The following HNRNPU variants were observed in gnomAD, a reference collection of about 807,000 sequenced individuals.
The protein encoded by HNRNPU is heterogeneous nuclear ribonucleoprotein U.
In HNRNPU, 5 loss-of-function variants were observed where a neutral mutation model predicts 94.7. The observed-to-expected ratio is 0.05, with a 90% CI of 0.03 to 0.11. The LOEUF (loss-of-function observed/expected upper bound fraction) is 0.11, where lower values mean the gene tolerates loss of function less well. HNRNPU is among the 10% of genes least tolerant of loss of function. The probability of loss-of-function intolerance (pLI) is 1.00; values close to 1 mark genes in which losing one functional copy is unlikely to be tolerated. For missense variants in HNRNPU, 710 were observed against 1,049.2 expected, an observed-to-expected ratio of 0.68 and a Z score of 4.47; for synonymous variants, 434 against 381.6, an observed-to-expected ratio of 1.14 and a Z score of -1.60.
intron 8 of HNRNPU, chr1:244,857,312 C>A: frequency 3.4e-6 from 1 of 295,968 alleles, no homozygotes; most frequent in Non-Finnish European, 6.2e-6. Context: ...ATGGCACGAT[C>A]TCAACTCACT....
rs1680643206 is a variant in HNRNPU at position 244,855,091 on chromosome 1, T to C, written c.2353-47A>G. 3 of 1,488,664 alleles carry C rather than the reference T, an allele frequency of 2.0e-6. No individual in the cohort carries two copies. The East Asian group carries it at 6.8e-5, about 34-fold the overall frequency. 92.2% of individuals were successfully genotyped at this position (1,488,664 alleles called of 1,614,324 possible). A position where few individuals can be genotyped will look rare whatever the true frequency, so the allele number is the denominator to read the frequency against. On this transcript the variant is annotated intron_variant, in intron 12 of 13. Transcript: ENST00000640218. ...TAAGAGCTCTGAGCCCAATTGCTTG[T>C]TAGGTTTGTGGGGGTGAGAGAGAGG...
At position 244,851,868 on chromosome 1, in the gene HNRNPU, A is replaced by C. The variant is rs1393504378; in HGVS notation, c.*2582T>G. The C allele has an allele frequency of 6.6e-6, 1 of 152,182 alleles. No individual in the cohort carries two copies. Among genetic ancestry groups the C allele is most frequent in the Non-Finnish European group, 1.5e-5 (1 of 68,026 alleles). The allele number at this position is 152,182 out of a possible 1,614,324, so 9.4% of individuals were successfully genotyped here. A position where few individuals can be genotyped will look rare whatever the true frequency, so the allele number is the denominator to read the frequency against. ...GTTTTAGTTTTCTCATAGCTATCTC[A>C]TAGCAGTTTTAGTTTTCTCAAATTC... On this transcript the variant is annotated 3_prime_UTR_variant, in exon 14 of 14. Coordinates refer to ENST00000640218, the MANE Select transcript of HNRNPU (RefSeq NM_031844.3).
At position 244,862,669 on chromosome 1, in the gene HNRNPU, T is replaced by C; in HGVS notation, c.753A>G (p.Glu251=). The change falls in exon 2 of 14, where the codon GAA becomes GAG. Residue 251 remains glutamate, a synonymous_variant. Coordinates refer to ENST00000640218, the MANE Select transcript of HNRNPU (RefSeq NM_031844.3). ...ACTCAAAATATCCACGGCCATGATC[T>C]TCTCGTGGTCTTTTAACACCCCTCT... ...DKKRGVKRPR[E]DHGRGYFEYI... is the part of the protein sequence containing the mutation. The C allele has an allele frequency of 6.2e-7, 1 of 1,614,194 alleles. No homozygotes were observed. Among genetic ancestry groups the C allele is most frequent in the Non-Finnish European group, 8.5e-7 (1 of 1,180,034 alleles).
rs567906999 is a variant in HNRNPU at position 244,864,499 on chromosome 1, G to T, written c.-192C>A. 700 of 908,654 alleles carry T rather than the reference G, an allele frequency of 7.7e-4. 16 individuals are homozygous for T. The South Asian group carries it at 0.012, about 16-fold the overall frequency. 56.3% of individuals were successfully genotyped at this position (908,654 alleles called of 1,614,324 possible). ...AATTCCTTTCACCGAGTTCGCGAGG[G>T]AGACGCGGAGACTCGCCTGGCGCGA... On this transcript the variant is annotated 5_prime_UTR_variant, in exon 1 of 14. Transcript: ENST00000640218.
Position 244,863,420 on chromosome 1 carries a change from A to ACACG in HNRNPU, c.691+196_691+197insCGTG, listed in dbSNP as rs555181156. Among the ~76,000 whole-genome samples, 6,471 of 138,682 alleles carry ACACG rather than the reference A, an allele frequency of 0.047. 193 individuals are homozygous for ACACG. The highest frequency in any genetic ancestry group is 0.067 in the Non-Finnish European group (4,325 of 64,494). The allele number at this position is 138,682 out of a possible 152,430, so 91.0% of individuals were successfully genotyped here. ...GACACACACACACACACACACACAC[A>ACACG]CGCGCGCGCGCACACACACGCCCCG... On this transcript the variant is annotated intron_variant, in intron 1 of 13. Transcript: ENST00000640218.
chr1:244,862,423 A>AAC, intron 3 of HNRNPU, 38 bp downstream of exon 3: 2 of 1,330,434 alleles, frequency 1.5e-6, no homozygotes, highest in Non-Finnish European at 2.1e-6. Flanking sequence ...AACCACCATC[A>AAC]CCGCATTTCA....
intron 8 of HNRNPU, chr1:244,857,105 G>A (rs564214325): frequency 2.8e-6 from 1 of 352,506 alleles, no homozygotes; most frequent in East Asian, 5.1e-5. Flanking sequence ...AGCCTAGCCA[G>A]TGGAAGGCAG....
rs1332243644 is a variant in HNRNPU at position 244,863,678 on chromosome 1, C to A, written c.630G>T (p.Ala210=). 1 of 1,563,288 alleles carries A rather than the reference C, an allele frequency of 6.4e-7. No homozygotes were observed. The highest frequency in any genetic ancestry group is 1.1e-5 in the South Asian group (1 of 87,746). ...CGCCTTCCGCCTTCTTCTTACCTCC[C>A]GCCTGCTGCTGGCCCTGCCTCGCCC... ...PPGARQGQQQ[A]GGKKKAEGGG... The change falls in exon 1 of 14, where the codon GCG becomes GCT. Residue 210 remains alanine, a synonymous_variant. Coordinates refer to ENST00000640218, the MANE Select transcript of HNRNPU (RefSeq NM_031844.3).
At position 244,854,248 on chromosome 1, in the gene HNRNPU, TTC is replaced by T; in HGVS notation, c.*200_*201del. The T allele has an allele frequency of 1.8e-6, 1 of 566,572 alleles. No individual in the cohort carries two copies. Among genetic ancestry groups the T allele is most frequent in the East Asian group, 3.1e-5 (1 of 31,962 alleles). The allele number at this position is 566,572 out of a possible 1,614,324, so 35.1% of individuals were successfully genotyped here. On this transcript the variant is annotated 3_prime_UTR_variant, in exon 14 of 14. Coordinates refer to ENST00000640218, the MANE Select transcript of HNRNPU (RefSeq NM_031844.3). ...TCTCTTATCGTGCACAATGCTGAGG[TTC>T]TCTTACGATTCACTTTTAAACTGCA...
At chr1:244,863,152 C>T (rs1680890465) in intron 1 of HNRNPU, 2 of 177,548 alleles carry the variant, frequency 1.1e-5, no homozygotes, top group South Asian at 1.4e-4. Flanking sequence ...TGACGTCACG[C>T]CGAGCCCCTG....
intron 3 of HNRNPU, 63 bp downstream of exon 3, chr1:244,862,398 A>AG: frequency 9.3e-7 from 1 of 1,081,022 alleles, no homozygotes; most frequent in South Asian, 1.7e-5. Flanking sequence ...AGACTTCTAA[A>AG]AAAAAAAAAA....
chr1:244,857,885 A>T, intron 7 of HNRNPU, 126 bp downstream of exon 7: 1 of 1,295,664 alleles, frequency 7.7e-7, no homozygotes, highest in Non-Finnish European at 1.1e-6. Context: ...GGAAACAATT[A>T]CTTAAGAGCA....
At position 244,859,354 on chromosome 1, in the gene HNRNPU, T is replaced by C. The variant is rs749325391; in HGVS notation, c.1038A>G (p.Val346=). 2 of 1,564,876 alleles carry C rather than the reference T, an allele frequency of 1.3e-6. No homozygotes were observed. Among genetic ancestry groups the C allele is most frequent in the South Asian group, 1.1e-5 (1 of 89,964 alleles). Residue 346 remains valine, a synonymous_variant, in exon 5 of 14, where the codon GTA becomes GTG. Transcript: ENST00000640218. ...FEMKVTEKIP[V]RHLYTKDIDI... ...CAATATCTTTTGTATATAAATGCCT[T>C]ACTGGGATCTTCTCTGTAACCTGAA... is the stretch of plus-strand genomic sequence containing the variant.
At chr1:244,860,525 T>A in intron 3 of HNRNPU, 51 bp from the exon 4 acceptor site, 2 of 1,460,102 alleles carry the variant, frequency 1.4e-6, no homozygotes, top group Non-Finnish European at 1.9e-6. Flanking sequence ...TGTAAACATA[T>A]CTGCTATGTA....
intron 8 of HNRNPU, 92 bp from the exon 9 acceptor site, chr1:244,856,948 G>A (rs1680697501): frequency 1.9e-6 from 2 of 1,044,634 alleles, no homozygotes; most frequent in Non-Finnish European, 2.8e-6. Flanking sequence ...TGTAAAGCAG[G>A]CAACATTTTA....
At chr1:244,860,092 G>C (rs996529403) in intron 4 of HNRNPU, 7 of 389,512 alleles carry the variant, frequency 1.8e-5, no homozygotes, top group Non-Finnish European at 2.7e-5. Context: ...CTGAGGTCAA[G>C]AGTTGGCGAC....
At chr1:244,856,246 CAT>C (rs1297249469) in intron 10 of HNRNPU, 88 bp from the exon 11 acceptor site, 2 of 1,361,826 alleles carry the variant, frequency 1.5e-6, no homozygotes, top group Non-Finnish European at 2.0e-6. Context: ...GGTTTAGTAA[CAT>C]ATTTTCCTAA....
In HNRNPU at chr1:244,855,308, A is replaced by G. The variant is rs190737293; in HGVS notation, c.2352+116T>C. 3 of 1,026,608 alleles carry G rather than the reference A, an allele frequency of 2.9e-6. No homozygotes were observed. In the Admixed American group the frequency reaches 6.6e-5, roughly 23 times the overall value. 63.6% of individuals were successfully genotyped at this position (1,026,608 alleles called of 1,614,324 possible). The stretch of plus-strand genomic sequence containing the variant: ...CACCATTACTAGTTCAATTTTCCTT[A>G]TGTCAATGCCTATCATGTTCCTTAC... On this transcript the variant is annotated intron_variant, in intron 12 of 13. Transcript: ENST00000640218.
intron 5 of HNRNPU, 149 bp downstream of exon 5, chr1:244,859,126 G>A: frequency 1.7e-6 from 1 of 585,062 alleles, no homozygotes; most frequent in East Asian, 2.8e-5. Flanking sequence ...TGTAGCCTGT[G>A]CCTACTATGT....
Sources: gnomAD v4.1 joint callset for allele counts (sites outside exome capture counted in the v4.1 genomes callset) on GRCh38, gnomAD v4.1.1 for gene constraint, MANE v1.5 for transcripts, NCBI Gene and HGNC (gene_info 2026-07-23, HGNC 2026-07-21) for gene names.